ARL14EPL: variants seen among roughly 807,000 people sequenced by gnomAD.
The protein encoded by ARL14EPL is ARF like GTPase 14 effector protein like.
A neutral mutation model predicts 15.9 loss-of-function variants in ARL14EPL; 17 were observed. That is an observed-to-expected ratio of 1.07 (90% confidence interval 0.73 to 1.60). The LOEUF (loss-of-function observed/expected upper bound fraction) is 1.60. ARL14EPL is among the 40% of genes most tolerant of loss of function. The pLI is 0.00. For synonymous variants in ARL14EPL, 78 were observed against 63.8 expected (o/e 1.22, Z -1.06); for missense variants, 214 against 185.9 (o/e 1.15, Z -0.88).
At chr5:116,046,783 A>G (rs533695767) in intron 1 of ARL14EPL, among the ~76,000 whole-genome samples, 76 of 152,290 alleles carry the variant, frequency 5.0e-4, no homozygotes, top group Non-Finnish European at 9.8e-4. Flanking sequence ...TCATCTGTAT[A>G]TGACTGCTAT....
intron 3 of ARL14EPL, among the ~76,000 whole-genome samples, chr5:116,056,772 T>C (rs1427874958): frequency 2.6e-5 from 4 of 152,232 alleles, no homozygotes; most frequent in Non-Finnish European, 4.4e-5. Context: ...AGGGTTTTTA[T>C]GGTTTTAGGT....
intron 1 of ARL14EPL, 29 bp from the exon 2 acceptor site, chr5:116,051,428 T>A: frequency 7.6e-7 from 1 of 1,307,366 alleles, no homozygotes; most frequent in South Asian, 1.3e-5. Context: ...GATATTAATA[T>A]GTTTTACTTT....
chr5:116,051,283 G>C, intron 1 of ARL14EPL, 174 bp from the exon 2 acceptor site: 1 of 530,014 alleles, frequency 1.9e-6, no homozygotes. Flanking sequence ...GGGTGGTCTG[G>C]GGGAGTCAGA....
chr5:116,037,479 G>A (rs1347237519), intron 1 of ARL14EPL, among the ~76,000 whole-genome samples: 1 of 152,114 alleles, frequency 6.6e-6, no homozygotes, highest in Non-Finnish European at 1.5e-5. Flanking sequence ...ATACCTAGTG[G>A]AGACGAAGAT....
intron 1 of ARL14EPL, among the ~76,000 whole-genome samples, chr5:116,040,939 C>T (rs1401232579): frequency 8.1e-6 from 1 of 124,212 alleles, no homozygotes; most frequent in African/African-American, 3.0e-5. Flanking sequence ...GAAATAGCGC[C>T]ACTGCACTCC....
At chr5:116,057,602 G>T (rs1749551938) in intron 3 of ARL14EPL, among the ~76,000 whole-genome samples, 1 of 152,144 alleles carries the variant, frequency 6.6e-6, no homozygotes, top group South Asian at 2.1e-4. Flanking sequence ...TCCTGGGGTT[G>T]CTTAGGAAGA....
chr5:116,037,858 TTTTTA>T (rs1475687406), intron 1 of ARL14EPL, among the ~76,000 whole-genome samples: 1 of 152,170 alleles, frequency 6.6e-6, no homozygotes, highest in Non-Finnish European at 1.5e-5. Context: ...TAGTTGGTGG[TTTTTA>T]TTTTAACACC....
At chr5:116,052,084 T>G (rs1580416171) in intron 2 of ARL14EPL, 20 of 1,613,530 alleles carry the variant, frequency 1.2e-5, no homozygotes, top group Non-Finnish European at 1.7e-5. Flanking sequence ...CAGCTGGGGT[T>G]ATAAGTTTAT....
At chr5:116,054,245 A>G in intron 3 of ARL14EPL, 92 bp downstream of exon 3, 1 of 1,303,338 alleles carries the variant, frequency 7.7e-7, no homozygotes, top group Non-Finnish European at 1.0e-6. Context: ...TCTTTTTATT[A>G]TTTATTATTT....
chr5:116,043,150 A>G (rs1272207976), intron 1 of ARL14EPL, among the ~76,000 whole-genome samples: 2 of 152,034 alleles, frequency 1.3e-5, no homozygotes, highest in African/African-American at 2.4e-5. Context: ...ATATACAGAT[A>G]GCTAAAAACT....
intron 2 of ARL14EPL, 78 bp from the exon 3 acceptor site, chr5:116,053,936 A>C (rs1749454375): frequency 1.5e-6 from 2 of 1,293,820 alleles, no homozygotes; most frequent in African/African-American, 1.5e-5. Flanking sequence ...TGAAAGTTAC[A>C]GAAAGTTCAT....
At chr5:116,043,648 G>A (rs959244544) in intron 1 of ARL14EPL, among the ~76,000 whole-genome samples, 3 of 152,082 alleles carry the variant, frequency 2.0e-5, no homozygotes, top group Non-Finnish European at 4.4e-5. Context: ...TATTTTGTAT[G>A]ACTTAGTTTC....
chr5:116,041,778 C>T (rs771586980), intron 1 of ARL14EPL, among the ~76,000 whole-genome samples: 10 of 152,084 alleles, frequency 6.6e-5, no homozygotes, highest in African/African-American at 9.7e-5. Flanking sequence ...AGTTTTTCCC[C>T]GTGCATTTTT....
intron 1 of ARL14EPL, among the ~76,000 whole-genome samples, chr5:116,041,305 A>C (rs543904278): frequency 6.6e-6 from 1 of 152,178 alleles, no homozygotes; most frequent in Non-Finnish European, 1.5e-5. Flanking sequence ...TCACTGCTTT[A>C]TTATTATTTT....
intron 1 of ARL14EPL, among the ~76,000 whole-genome samples, chr5:116,049,936 A>G (rs150411964): frequency 0.011 from 1,729 of 152,346 alleles, 23 homozygotes; most frequent in African/African-American, 0.038. Context: ...TATGGCAGCA[A>G]ATGCAAAGAC....
At chr5:116,041,185 G>C (rs1306056597) in intron 1 of ARL14EPL, among the ~76,000 whole-genome samples, 1 of 151,974 alleles carries the variant, frequency 6.6e-6, no homozygotes, top group African/African-American at 2.4e-5. Context: ...TATTGACAAA[G>C]TTCACAATTT....
At chr5:116,048,258 A>G (rs1580414306) in intron 1 of ARL14EPL, among the ~76,000 whole-genome samples, 2 of 152,164 alleles carry the variant, frequency 1.3e-5, no homozygotes, top group South Asian at 2.1e-4. Context: ...ATCCCCATCA[A>G]ATGCAATAGC....
At chr5:116,040,073 C>G (rs1447617292) in intron 1 of ARL14EPL, among the ~76,000 whole-genome samples, 3 of 152,086 alleles carry the variant, frequency 2.0e-5, no homozygotes, top group Non-Finnish European at 4.4e-5. Flanking sequence ...ACTCTCCCAA[C>G]TTAGCAACTC....
chr5:116,058,823 G>T lies in ARL14EPL; in HGVS notation c.335G>T (p.Cys112Phe). 2 of 1,536,074 alleles carry T rather than the reference G, an allele frequency of 1.3e-6. No individual in the cohort carries two copies. The highest frequency in any genetic ancestry group is 1.2e-5 in the South Asian group (1 of 84,056). Reference protein sequence around the residue: ...EKNCLGCFYPCPKCNSNKCGP... With the variant: ...EKNCLGCFYPFPKCNSNKCGP... ...AACTGCCTGGGCTGCTTCTACCCAT[G>T]CCCGAAGTGTAACTCCAACAAGTGT... The change falls in exon 4 of 4, where the codon TGC (cysteine) becomes TTC (phenylalanine). Residue 112 changes from cysteine (C) to phenylalanine (F), a missense_variant. Cys to Phe is a radical substitution (Grantham distance 205, BLOSUM62 -2). Transcript: ENST00000686077.
Sources: allele counts gnomAD v4.1 joint callset (sites outside exome capture counted in the v4.1 genomes callset), GRCh38; gene constraint gnomAD v4.1.1; transcripts MANE v1.5; gene names NCBI Gene and HGNC (gene_info 2026-07-23, HGNC 2026-07-21).